The following MACROD1 variants were observed in gnomAD, a reference collection of about 807,000 sequenced individuals.
MACROD1 encodes ADP-ribose glycohydrolase MACROD1.
Under a neutral mutation model 41.4 loss-of-function variants are expected in MACROD1, and 31 were observed. The ratio of observed to expected loss-of-function variants is 0.75; its 90% CI spans 0.56 to 1.01. The LOEUF is 1.01. Ranked by LOEUF, MACROD1 falls within the 50% of genes least tolerant of loss-of-function variation. The pLI is 0.00. For synonymous variants in MACROD1, 252 were observed against 203.4 expected, an observed-to-expected ratio of 1.24 and a Z score of -2.03; for missense variants, 473 against 460.0, an observed-to-expected ratio of 1.03 and a Z score of -0.26.
intron 3 of MACROD1, among the ~76,000 whole-genome samples, chr11:64,015,549 G>C (rs1289547863): frequency 6.6e-6 from 1 of 152,054 alleles, no homozygotes; most frequent in Non-Finnish European, 1.5e-5. Context: ...GCAGACGCAT[G>C]GGGGGGTCCA....
At chr11:64,008,451 T>A (rs1942951038) in intron 4 of MACROD1, among the ~76,000 whole-genome samples, 1 of 110,768 alleles carries the variant, frequency 9.0e-6, no homozygotes, top group South Asian at 3.0e-4. Flanking sequence ...GTTGTCCACC[T>A]GGCAGACCTT....
intron 3 of MACROD1, among the ~76,000 whole-genome samples, chr11:64,045,077 G>A (rs983837307): frequency 6.6e-6 from 1 of 152,256 alleles, no homozygotes; most frequent in African/African-American, 2.4e-5. Flanking sequence ...GCCTGTGCGG[G>A]CTGAGGGGGA....
intron 3 of MACROD1, among the ~76,000 whole-genome samples, chr11:64,046,356 T>C (rs754123582): frequency 6.6e-6 from 1 of 152,062 alleles, no homozygotes; most frequent in Non-Finnish European, 1.5e-5. Flanking sequence ...CTTACAGAGG[T>C]GACAAAGGCA....
chr11:64,015,196 G>A, intron 4 of MACROD1, 56 bp downstream of exon 4: 1 of 1,521,710 alleles, frequency 6.6e-7, no homozygotes. Flanking sequence ...GGGAGGAGCA[G>A]ACCCAGCAGG....
At chr11:64,065,122 G>A (rs1943973018) in intron 3 of MACROD1, among the ~76,000 whole-genome samples, 1 of 152,224 alleles carries the variant, frequency 6.6e-6, no homozygotes, top group South Asian at 2.1e-4. Context: ...AGAGGAGAAC[G>A]GGCTACACGT....
intron 3 of MACROD1, among the ~76,000 whole-genome samples, chr11:64,149,948 G>A (rs1480034586): frequency 6.6e-6 from 1 of 152,214 alleles, no homozygotes; most frequent in Non-Finnish European, 1.5e-5. Context: ...AAACACACCA[G>A]AACCACCTGC....
At chr11:64,094,898 T>G (rs916033984) in intron 3 of MACROD1, among the ~76,000 whole-genome samples, 4 of 152,216 alleles carry the variant, frequency 2.6e-5, no homozygotes, top group African/African-American at 9.6e-5. Context: ...ATGTCCCATC[T>G]GGGCCTGTGT....
chr11:64,143,673 A>G (rs1329219885), intron 3 of MACROD1, among the ~76,000 whole-genome samples: 1 of 150,734 alleles, frequency 6.6e-6, no homozygotes, highest in Non-Finnish European at 1.5e-5. Flanking sequence ...GGACACACCC[A>G]CTCTCAGAAC....
intron 3 of MACROD1, among the ~76,000 whole-genome samples, chr11:64,108,213 T>C (rs1193201847): frequency 2.0e-5 from 3 of 151,212 alleles, no homozygotes; most frequent in Non-Finnish European, 2.9e-5. Flanking sequence ...CGCGGGAGGC[T>C]GAGGCAGAAG....
chr11:64,159,549 C>T (rs1945721830), intron 1 of MACROD1, among the ~76,000 whole-genome samples: 1 of 151,000 alleles, frequency 6.6e-6, no homozygotes, highest in Non-Finnish European at 1.5e-5. Context: ...AATCCCAGCA[C>T]TTCAGGAGGC....
chr11:64,062,726 C>A (rs1419914837), intron 3 of MACROD1, among the ~76,000 whole-genome samples: 1 of 152,212 alleles, frequency 6.6e-6, no homozygotes, highest in Admixed American at 6.5e-5. Flanking sequence ...CCCCGCGCAG[C>A]CTGACCCAGG....
chr11:64,148,710 C>G, intron 3 of MACROD1: 1 of 985,446 alleles, frequency 1.0e-6, no homozygotes, highest in South Asian at 4.7e-5. Flanking sequence ...TTTCACGAGG[C>G]ACAGACGCAG....
chr11:64,109,389 A>G lies in MACROD1; in HGVS notation c.517+41850T>C, dbSNP rs1248731121. ...CACTCAGCTTCCCTACTGCTCCCCC[A>G]GACCTGGGAAACCCGGGAGGCTGCC... On this transcript the variant is annotated intron_variant, in intron 3 of 10. Coordinates refer to ENST00000255681, the MANE Select transcript of MACROD1 (RefSeq NM_014067.4). 2.6e-5 allele frequency among the ~76,000 whole-genome samples: 4 copies of G among 152,132 alleles called. No homozygotes were observed. In the East Asian group the frequency reaches 7.7e-4, roughly 29 times the overall value.
At chr11:64,017,126 C>T (rs1943092487) in intron 3 of MACROD1, among the ~76,000 whole-genome samples, 1 of 152,148 alleles carries the variant, frequency 6.6e-6, no homozygotes, top group African/African-American at 2.4e-5. Context: ...TGCGCCACCA[C>T]ACCCGGCTAA....
chr11:64,159,361 T>C (rs1033272079), intron 1 of MACROD1, among the ~76,000 whole-genome samples: 1 of 147,722 alleles, frequency 6.8e-6, no homozygotes, highest in African/African-American at 2.5e-5. Flanking sequence ...GCCGGTGTAG[T>C]GGCACACACC....
chr11:64,125,932 C>T (rs553640743), intron 3 of MACROD1, among the ~76,000 whole-genome samples: 41 of 152,310 alleles, frequency 2.7e-4, no homozygotes, highest in African/African-American at 8.9e-4. Context: ...AAAAAACAAA[C>T]GCACCACAAA....
At chr11:64,016,768 C>T (rs927797553) in intron 3 of MACROD1, among the ~76,000 whole-genome samples, 1 of 151,920 alleles carries the variant, frequency 6.6e-6, no homozygotes, top group Admixed American at 6.5e-5. Flanking sequence ...GGGTGGGGGC[C>T]GCGGGAAGTG....
intron 3 of MACROD1, among the ~76,000 whole-genome samples, chr11:64,088,722 C>T (rs1055622731): frequency 6.6e-6 from 1 of 152,154 alleles, no homozygotes; most frequent in Non-Finnish European, 1.5e-5. Flanking sequence ...TGGGGATAAT[C>T]GTGTGTTTCC....
At chr11:64,097,320 G>A (rs889069272) in intron 3 of MACROD1, among the ~76,000 whole-genome samples, 2 of 152,242 alleles carry the variant, frequency 1.3e-5, no homozygotes, top group Admixed American at 6.5e-5. Context: ...CCAAGGGATG[G>A]GTGAACTCCC....
Sources: allele counts gnomAD v4.1 joint callset (sites outside exome capture counted in the v4.1 genomes callset), GRCh38; gene constraint gnomAD v4.1.1; transcripts MANE v1.5; gene names NCBI Gene and HGNC (gene_info 2026-07-23, HGNC 2026-07-21).